Variants in GJA3 observed in about 807,000 individuals in gnomAD.
GJA3 encodes the protein gap junction protein alpha 3.
For synonymous variants in GJA3, 297 were observed against 292.6 expected, an observed-to-expected ratio of 1.02 and a Z score of -0.15; for missense variants, 571 against 620.3, an observed-to-expected ratio of 0.92 and a Z score of 0.84.
intron 1 of GJA3, among the ~76,000 whole-genome samples, chr13:20,153,344 T>C (rs1181787608): frequency 6.6e-6 from 1 of 152,250 alleles, no homozygotes; most frequent in African/African-American, 2.4e-5. Context: ...GTATGTTTAC[T>C]GCAGCACTAT....
At chr13:20,150,113 G>A (rs1183623176) in intron 1 of GJA3, among the ~76,000 whole-genome samples, 1 of 152,176 alleles carries the variant, frequency 6.6e-6, no homozygotes, top group African/African-American at 2.4e-5. Flanking sequence ...TGAACCAGAG[G>A]CTAACCCTGG....
At chr13:20,147,179 G>T (rs552084832) in intron 1 of GJA3, among the ~76,000 whole-genome samples, 1 of 152,216 alleles carries the variant, frequency 6.6e-6, no homozygotes, top group Non-Finnish European at 1.5e-5. Context: ...CAGCCACCTG[G>T]CAAGCATGAA....
In GJA3 at chr13:20,151,922, C is replaced by T. The variant is rs527800628; in HGVS notation, c.-17-8617G>A. Among the ~76,000 whole-genome samples the T allele has an allele frequency of 2.0e-5, 3 of 152,126 alleles. No homozygotes were observed. The East Asian group carries it at 5.8e-4, about 29-fold the overall frequency. On this transcript the variant is annotated intron_variant, in intron 1 of 1. Coordinates refer to ENST00000241125, the MANE Select transcript of GJA3 (RefSeq NM_021954.4). Reference sequence around the variant, plus strand: ...AATCCAGAGAAATGATGTGAGCAGTCGAGGTGTGAGAAAAGGCCCGGCATG... The same window carrying T: ...AATCCAGAGAAATGATGTGAGCAGTTGAGGTGTGAGAAAAGGCCCGGCATG...
At chr13:20,150,511 C>G (rs1043168043) in intron 1 of GJA3, among the ~76,000 whole-genome samples, 12 of 152,198 alleles carry the variant, frequency 7.9e-5, no homozygotes, top group Non-Finnish European at 1.8e-4. Context: ...CCAGAGAAGG[C>G]CACAGGCTTA....
intron 1 of GJA3, among the ~76,000 whole-genome samples, chr13:20,157,970 A>G (rs545547143): frequency 6.6e-6 from 1 of 150,516 alleles, no homozygotes; most frequent in East Asian, 2.0e-4. Context: ...AGTAGCTGGG[A>G]CTATAGGTTT....
rs1434357663 is a variant in GJA3, at chr13:20,142,926, G to A, written c.363C>T (p.Ser121=). 6.3e-7 allele frequency: 1 copy of A among 1,579,110 alleles called. No individual in the cohort carries two copies. Among genetic ancestry groups the A allele is most frequent in the African/African-American group, 1.4e-5 (1 of 73,942 alleles). The change falls in exon 2 of 2, where the codon AGC becomes AGT. Residue 121 remains serine, a synonymous_variant. Coordinates refer to ENST00000241125, the MANE Select transcript of GJA3 (RefSeq NM_021954.4). The part of the protein sequence containing the change: ...EEEQLKRESP[S]PKEPPQDNPS... ...GATTGTCCTGCGGTGGCTCCTTGGGGCTGGGGCTCTCTCTCTTCAGCTGCT... is the reference window on the plus strand; with the variant it reads ...GATTGTCCTGCGGTGGCTCCTTGGGACTGGGGCTCTCTCTCTTCAGCTGCT...
chr13:20,141,495 A>G lies in GJA3; in HGVS notation c.*486T>C, dbSNP rs1017569578. ...TTTAGTGCAGTTTGGCAAATATCCC[A>G]AATGAAATTCAACTCTAAGTTAAAA... is the stretch of plus-strand genomic sequence containing the variant. On this transcript the variant is annotated 3_prime_UTR_variant, in exon 2 of 2. Transcript: ENST00000241125. 1 of 153,310 alleles carries G rather than the reference A, an allele frequency of 6.5e-6. No homozygotes were observed. The highest frequency in any genetic ancestry group is 2.4e-5 in the African/African-American group (1 of 41,472). 9.5% of individuals were successfully genotyped at this position (153,310 alleles called of 1,614,324 possible). A position where few individuals can be genotyped will look rare whatever the true frequency, so the allele number is the denominator to read the frequency against.
intron 1 of GJA3, among the ~76,000 whole-genome samples, chr13:20,151,408 G>T (rs1000092680): frequency 6.6e-6 from 1 of 152,168 alleles, no homozygotes; most frequent in Non-Finnish European, 1.5e-5. Flanking sequence ...CTCCCCAAAG[G>T]GGTGCCTCCA....
In GJA3 at chr13:20,155,304, A is replaced by T. The variant is rs1958901303; in HGVS notation, c.-18+5586T>A. Among the ~76,000 whole-genome samples, 4 of 152,208 alleles carry T rather than the reference A, an allele frequency of 2.6e-5. No homozygotes were observed. The South Asian group carries it at 8.3e-4, about 32-fold the overall frequency. Reference sequence around the variant, plus strand: ...AAGTTATTTTAACATGAAAATTTTAAAATTATCTGAATAAGCTCATATAAG... The same window carrying T: ...AAGTTATTTTAACATGAAAATTTTATAATTATCTGAATAAGCTCATATAAG... On this transcript the variant is annotated intron_variant, in intron 1 of 1. Transcript: ENST00000241125.
At position 20,143,007 on chromosome 13, in the gene GJA3, GC is replaced by G; in HGVS notation, c.281del (p.Gly94AlafsTer22). 6.2e-7 allele frequency: 1 copy of G among 1,608,214 alleles called. No homozygotes were observed. Among genetic ancestry groups the G allele is most frequent in the Non-Finnish European group, 8.5e-7 (1 of 1,177,224 alleles). On this transcript the variant is annotated frameshift_variant, in exon 2 of 2. Coordinates refer to ENST00000241125, the MANE Select transcript of GJA3 (RefSeq NM_021954.4). LOFTEE classifies it low-confidence loss of function (END_TRUNC). Reference sequence around the variant, plus strand: ...CCATGCGCACGATGTGCAGCACGTGGCCCAGGTAGATGAGGGTGGGCGTGGA... The same window carrying G: ...CCATGCGCACGATGTGCAGCACGTGGCCAGGTAGATGAGGGTGGGCGTGGA... Reference protein sequence around the residue: ...FVSTPTLIYLGHVLHIVRMEE... With the variant: ...FVSTPTLIYLXHVLHIVRMEE...
rs1958822432 is a variant in GJA3 at position 20,143,092 on chromosome 13, T to C, written c.197A>G (p.Tyr66Cys). ...GTGGGAGATGGGGAAGGCCCTGTCG[T>C]AGCAGACGTTCTCGCAGCCCGGCTG... ...TQQPGCENVCYDRAFPISHIR... is the reference protein window; with the variant it reads ...TQQPGCENVCCDRAFPISHIR... The change falls in exon 2 of 2, where the codon TAC (tyrosine) becomes TGC (cysteine). Residue 66 changes from tyrosine to cysteine, a missense_variant. Coordinates refer to ENST00000241125, the MANE Select transcript of GJA3 (RefSeq NM_021954.4). The C allele has an allele frequency of 6.2e-7, 1 of 1,613,856 alleles. No individual in the cohort carries two copies.
Position 20,141,773 on chromosome 13 carries a change from A to G in GJA3, c.*208T>C, listed in dbSNP as rs1350934051. The stretch of plus-strand genomic sequence containing the variant: ...GCCACCCCCAAACTCAGAAAGTGGG[A>G]GTTATCCCCACTGTAACTCACAGTG... On this transcript the variant is annotated 3_prime_UTR_variant, in exon 2 of 2. Coordinates refer to ENST00000241125, the MANE Select transcript of GJA3 (RefSeq NM_021954.4). 3.5e-5 allele frequency: 24 copies of G among 691,146 alleles called. No individual in the cohort carries two copies. The highest frequency in any genetic ancestry group is 6.7e-5 in the Admixed American group (2 of 29,902). The allele number at this position is 691,146 out of a possible 1,614,324, so 42.8% of individuals were successfully genotyped here.
chr13:20,151,783 T>C (rs563215283), intron 1 of GJA3, among the ~76,000 whole-genome samples: 2 of 152,118 alleles, frequency 1.3e-5, no homozygotes, highest in South Asian at 4.2e-4. Flanking sequence ...TTCAGTGTGC[T>C]GGGAAAGTAC....
chr13:20,142,115 C>G lies in GJA3; in HGVS notation c.1174G>C (p.Glu392Gln). 6.5e-7 allele frequency: 1 copy of G among 1,546,236 alleles called. No homozygotes were observed. The highest frequency in any genetic ancestry group is 8.7e-7 in the Non-Finnish European group (1 of 1,145,624). ...GTGGTCACGGCCTGCTCCTCCTCCT[C>G]GGGGGTCCCTGCCAGGGCGCTCCCC... ...LEGSALAGTP[E>Q]EEEQAVTTAA... The change falls in exon 2 of 2, where the codon GAG (glutamate) becomes CAG (glutamine). Residue 392 changes from glutamate (E) to glutamine (Q), a missense_variant. Coordinates refer to ENST00000241125, the MANE Select transcript of GJA3 (RefSeq NM_021954.4).
intron 1 of GJA3, 100 bp from the exon 2 acceptor site, chr13:20,143,405 G>T: frequency 1.3e-6 from 1 of 744,800 alleles, no homozygotes; most frequent in Non-Finnish European, 2.1e-6. Flanking sequence ...CTGGGATGGG[G>T]CTGATGGGCA....
At chr13:20,161,112 C>T (rs933749847), upstream of GJA3, 1 of 153,360 alleles carries the variant, frequency 6.5e-6, no homozygotes, top group Non-Finnish European at 1.5e-5. Context: ...CCGCCGCCTC[C>T]GAACAGCCCC....
At chr13:20,158,933 A>AG (rs1958921557) in intron 1 of GJA3, among the ~76,000 whole-genome samples, 1 of 149,916 alleles carries the variant, frequency 6.7e-6, no homozygotes, top group African/African-American at 2.5e-5. Flanking sequence ...AAAAAAAAAA[A>AG]AAAGAAAAAG....
intron 1 of GJA3, among the ~76,000 whole-genome samples, chr13:20,150,608 T>C (rs1958871226): frequency 6.6e-6 from 1 of 152,208 alleles, no homozygotes; most frequent in Non-Finnish European, 1.5e-5. Context: ...TCTGAGAAAG[T>C]TCATTTAGAA....
At chr13:20,147,843 C>T (rs1406789520) in intron 1 of GJA3, among the ~76,000 whole-genome samples, 7 of 152,114 alleles carry the variant, frequency 4.6e-5, no homozygotes, top group Non-Finnish European at 7.4e-5. Context: ...ACACTTTGCA[C>T]GCTTAGCCCA....
Sources: gnomAD v4.1 joint callset for allele counts (sites outside exome capture counted in the v4.1 genomes callset) on GRCh38, gnomAD v4.1.1 for gene constraint, MANE v1.5 for transcripts, NCBI Gene and HGNC (gene_info 2026-07-23, HGNC 2026-07-21) for gene names.